Variants in SYK observed in about 807,000 individuals in gnomAD.
The protein encoded by SYK is spleen associated tyrosine kinase.
A neutral mutation model predicts 77.8 loss-of-function variants in SYK; 16 were observed. That is an observed-to-expected ratio of 0.21 (90% confidence interval 0.14 to 0.31). SYK has a LOEUF of 0.31. SYK is among the 10% of genes least tolerant of loss of function. SYK has a pLI of 1.00. For missense variants in SYK, 529 were observed against 814.4 expected (o/e 0.65, Z 4.26); for synonymous variants, 312 against 308.7 (o/e 1.01, Z -0.11).
rs1587806615 is a variant in SYK, at chr9:90,812,570, C to T, written c.-42+10677C>T. ...CAGTGCAGGAGCCAAGATTGAGGAC[C>T]ACCATTTGACAGCTAGTTCATAGGA... On this transcript the variant is annotated intron_variant, in intron 1 of 13. Coordinates refer to ENST00000375754, the MANE Select transcript of SYK (RefSeq NM_003177.7). Among the ~76,000 whole-genome samples, 3 of 152,294 alleles carry T rather than the reference C, an allele frequency of 2.0e-5. No individual in the cohort carries two copies. The South Asian group carries it at 6.2e-4, about 32-fold the overall frequency.
chr9:90,862,613 C>T (rs1329548908), intron 4 of SYK, among the ~76,000 whole-genome samples: 3 of 152,174 alleles, frequency 2.0e-5, no homozygotes, highest in African/African-American at 2.4e-5. Context: ...GTGAGGTGAA[C>T]GAAGGTTCCA....
At chr9:90,831,962 T>G (rs777673201) in intron 1 of SYK, among the ~76,000 whole-genome samples, 5 of 152,182 alleles carry the variant, frequency 3.3e-5, no homozygotes, top group Non-Finnish European at 5.9e-5. Flanking sequence ...AATACGTGTG[T>G]TAGGGAAGCT....
intron 3 of SYK, among the ~76,000 whole-genome samples, chr9:90,856,617 T>TTTG (rs1827049315): frequency 7.1e-6 from 1 of 140,494 alleles, no homozygotes; most frequent in Admixed American, 7.0e-5. Flanking sequence ...TTGTTTGTTT[T>TTTG]TTCAAATATT....
intron 1 of SYK, among the ~76,000 whole-genome samples, chr9:90,839,414 A>G (rs1399332935): frequency 2.0e-5 from 3 of 151,986 alleles, no homozygotes; most frequent in Non-Finnish European, 4.4e-5. Flanking sequence ...CTGCTTGCGA[A>G]CATATCTGCA....
At chr9:90,881,839 G>A (rs1051749492) in intron 11 of SYK, among the ~76,000 whole-genome samples, 1 of 152,096 alleles carries the variant, frequency 6.6e-6, no homozygotes, top group Non-Finnish European at 1.5e-5. Context: ...AGCTCCTTCC[G>A]AGAGCAAACA....
At chr9:90,890,000 G>A (rs1466000562) in intron 13 of SYK, among the ~76,000 whole-genome samples, 1 of 152,214 alleles carries the variant, frequency 6.6e-6, no homozygotes, top group East Asian at 1.9e-4. Context: ...CTTGTAGAAG[G>A]GTGAGGAGGG....
chr9:90,810,816 A>C (rs1199879121), intron 1 of SYK, among the ~76,000 whole-genome samples: 1 of 152,172 alleles, frequency 6.6e-6, no homozygotes, highest in African/African-American at 2.4e-5. Context: ...AGGGAGACAA[A>C]CTCCACAAAA....
Position 90,828,240 on chromosome 9 carries a change from C to CG in SYK, c.-41-15618_-41-15617insG, listed in dbSNP as rs1554706483. Among the ~76,000 whole-genome samples the CG allele has an allele frequency of 5.5e-4, 54 of 97,412 alleles. 8 individuals carry two copies. The East Asian group carries it at 0.015, about 27-fold the overall frequency. The allele number at this position is 97,412 out of a possible 152,430, so 63.9% of individuals were successfully genotyped here. A position where few individuals can be genotyped will look rare whatever the true frequency, so the allele number is the denominator to read the frequency against. ...TCTGCTGTGGCCTCACCCCCGCCCC[C>CG]CCCCCCGCCCCGCCCAGGCCTTCAC... On this transcript the variant is annotated intron_variant, in intron 1 of 13. Transcript: ENST00000375754.
At chr9:90,881,269 A>C (rs997047736) in intron 11 of SYK, among the ~76,000 whole-genome samples, 2 of 152,264 alleles carry the variant, frequency 1.3e-5, no homozygotes, top group Non-Finnish European at 2.9e-5. Context: ...CAATGAAGAA[A>C]AAAAGCCACT....
intron 1 of SYK, among the ~76,000 whole-genome samples, chr9:90,803,088 T>C (rs1204527589): frequency 2.0e-5 from 3 of 152,206 alleles, no homozygotes; most frequent in African/African-American, 7.2e-5. Context: ...CTTAAATACA[T>C]GTAAATTATT....
chr9:90,804,978 A>G (rs916597087), intron 1 of SYK, among the ~76,000 whole-genome samples: 3 of 151,974 alleles, frequency 2.0e-5, no homozygotes, highest in African/African-American at 7.2e-5. Context: ...TTATGAATCA[A>G]TTGTGCAAGG....
At chr9:90,828,943 A>G (rs1825778013) in intron 1 of SYK, among the ~76,000 whole-genome samples, 2 of 152,180 alleles carry the variant, frequency 1.3e-5, no homozygotes, top group South Asian at 4.1e-4. Flanking sequence ...GCACTTGAAT[A>G]GGGCAATATT....
At chr9:90,876,222 G>C (rs1213083019) in intron 9 of SYK, among the ~76,000 whole-genome samples, 1 of 150,992 alleles carries the variant, frequency 6.6e-6, no homozygotes, top group Non-Finnish European at 1.5e-5. Flanking sequence ...GGGAGGAAGA[G>C]GTTGCAGCCA....
At chr9:90,894,253 A>T (rs1329808194) in intron 13 of SYK, among the ~76,000 whole-genome samples, 3 of 152,176 alleles carry the variant, frequency 2.0e-5, no homozygotes, top group African/African-American at 7.2e-5. Context: ...CTCTGGGTGG[A>T]CACATGCTCC....
At chr9:90,870,499 A>G (rs927030327) in intron 7 of SYK, among the ~76,000 whole-genome samples, 7 of 152,244 alleles carry the variant, frequency 4.6e-5, no homozygotes, top group Admixed American at 2.6e-4. Flanking sequence ...GAGAAAAAAG[A>G]AAGAAACATC....
intron 1 of SYK, among the ~76,000 whole-genome samples, chr9:90,809,567 T>C (rs1824997190): frequency 6.6e-6 from 1 of 152,224 alleles, no homozygotes; most frequent in African/African-American, 2.4e-5. Context: ...TACACAAAAC[T>C]TGTTTTGATC....
intron 2 of SYK, among the ~76,000 whole-genome samples, chr9:90,844,684 A>G (rs1222148604): frequency 6.6e-6 from 1 of 152,168 alleles, no homozygotes; most frequent in Non-Finnish European, 1.5e-5. Context: ...GCTTCCTAAT[A>G]TCTCTTGCAG....
chr9:90,881,679 C>CAAAA (rs10526591), intron 11 of SYK, among the ~76,000 whole-genome samples: 14 of 89,398 alleles, frequency 1.6e-4, no homozygotes, highest in South Asian at 8.9e-4. Flanking sequence ...GACTCTGTCT[C>CAAAA]AAAAAAAAAA....
intron 11 of SYK, among the ~76,000 whole-genome samples, chr9:90,884,317 A>G (rs943556318): frequency 1.5e-5 from 2 of 137,342 alleles, no homozygotes; most frequent in African/African-American, 5.5e-5. Context: ...ACACATATAC[A>G]CATACACATA....
Sources: gnomAD v4.1 joint callset for allele counts (sites outside exome capture counted in the v4.1 genomes callset) on GRCh38, gnomAD v4.1.1 for gene constraint, MANE v1.5 for transcripts, NCBI Gene and HGNC (gene_info 2026-07-23, HGNC 2026-07-21) for gene names.